Variants in CNTNAP2 observed in about 807,000 individuals in gnomAD.
CNTNAP2 encodes the protein contactin associated protein 2, also known as contactin-associated protein-like 2.
Under a neutral mutation model 155.2 loss-of-function variants are expected in CNTNAP2, and 98 were observed. The observed-to-expected ratio is 0.63, with a 90% CI of 0.54 to 0.75. CNTNAP2 has a LOEUF of 0.75. CNTNAP2 is among the 30% of genes least tolerant of loss of function. The probability of loss-of-function intolerance (pLI) is 0.00; values close to 1 mark genes in which losing one functional copy is unlikely to be tolerated. For synonymous variants in CNTNAP2, 651 were observed against 631.2 expected (o/e 1.03, Z -0.47); for missense variants, 1,727 against 1,688.1 (o/e 1.02, Z -0.40).
chr7:148,325,613 C>A (rs1797871671), intron 21 of CNTNAP2, among the ~76,000 whole-genome samples: 2 of 152,182 alleles, frequency 1.3e-5, no homozygotes, highest in South Asian at 2.1e-4. Context: ...CGTCTCCAGC[C>A]CAGCCATGAC....
chr7:146,360,360 A>G (rs917983972), intron 1 of CNTNAP2, among the ~76,000 whole-genome samples: 2 of 152,236 alleles, frequency 1.3e-5, no homozygotes, highest in East Asian at 3.8e-4. Context: ...TAACTAATTC[A>G]TATTTAATGA....
chr7:147,401,917 C>T (rs1254982984), intron 10 of CNTNAP2, among the ~76,000 whole-genome samples: 4 of 151,472 alleles, frequency 2.6e-5, no homozygotes, highest in South Asian at 4.2e-4. Context: ...TCAAGCAGTT[C>T]GTTATAGCAA....
Position 147,272,728 on chromosome 7 carries a change from C to T in CNTNAP2, c.1349-27413C>T, listed in dbSNP as rs551331679. ...TTCACCGTGTTAGCCAGGATGCTCT[C>T]GATCTCCTGACATCATGATCCACCC... On this transcript the variant is annotated intron_variant, in intron 8 of 23. Transcript: ENST00000361727. Among the ~76,000 whole-genome samples, 41 of 150,018 alleles carry T rather than the reference C, an allele frequency of 2.7e-4. No homozygotes were observed. The South Asian group carries it at 8.0e-3, about 29-fold the overall frequency.
intron 1 of CNTNAP2, among the ~76,000 whole-genome samples, chr7:146,387,689 T>C (rs1795480109): frequency 6.6e-6 from 1 of 152,178 alleles, no homozygotes; most frequent in South Asian, 2.1e-4. Context: ...CACCTTCTTT[T>C]CCACCTTGTT....
chr7:146,911,367 C>T (rs953278298), intron 3 of CNTNAP2, among the ~76,000 whole-genome samples: 28 of 152,012 alleles, frequency 1.8e-4, no homozygotes, highest in Non-Finnish European at 3.7e-4. Context: ...GTATGTTTAT[C>T]GCGGCATTAT....
intron 3 of CNTNAP2, among the ~76,000 whole-genome samples, chr7:146,906,396 G>A (rs1796127850): frequency 2.0e-5 from 3 of 152,098 alleles, no homozygotes; most frequent in Admixed American, 2.0e-4. Flanking sequence ...AGACTTAAAT[G>A]TCCCTGTCTG....
chr7:146,834,005 C>G (rs1803567077), intron 2 of CNTNAP2, among the ~76,000 whole-genome samples: 1 of 152,058 alleles, frequency 6.6e-6, no homozygotes, highest in Admixed American at 6.5e-5. Flanking sequence ...TGCCTGGAGT[C>G]TCCTTTTCAA....
intron 12 of CNTNAP2, among the ~76,000 whole-genome samples, chr7:147,637,553 T>G (rs1795201548): frequency 6.6e-6 from 1 of 152,182 alleles, no homozygotes; most frequent in African/African-American, 2.4e-5. Context: ...TCACCACTTC[T>G]TTCCTCTCTA....
intron 9 of CNTNAP2, among the ~76,000 whole-genome samples, chr7:147,315,788 A>G: frequency 6.6e-6 from 1 of 152,054 alleles, no homozygotes; most frequent in East Asian, 1.9e-4. Context: ...CTTATTCTGG[A>G]CATTTTATAT....
intron 8 of CNTNAP2, among the ~76,000 whole-genome samples, chr7:147,226,986 A>T (rs1803561435): frequency 1.3e-5 from 2 of 152,236 alleles, no homozygotes; most frequent in African/African-American, 4.8e-5. Context: ...ATTGAACCAA[A>T]TAAATTATAG....
chr7:146,631,417 G>T (rs1186454369), intron 1 of CNTNAP2, among the ~76,000 whole-genome samples: 7 of 152,012 alleles, frequency 4.6e-5, no homozygotes, highest in Non-Finnish European at 1.0e-4. Context: ...TGTTATTATG[G>T]GCATGCCTCC....
At chr7:147,394,608 A>G (rs1364599684) in intron 9 of CNTNAP2, among the ~76,000 whole-genome samples, 1 of 151,982 alleles carries the variant, frequency 6.6e-6, no homozygotes, top group East Asian at 1.9e-4. Flanking sequence ...ACTTAATGGG[A>G]TTGAAAAATA....
intron 3 of CNTNAP2, among the ~76,000 whole-genome samples, chr7:146,894,108 C>T (rs549789632): frequency 3.0e-4 from 45 of 152,278 alleles, no homozygotes; most frequent in African/African-American, 1.1e-3. Flanking sequence ...AACACACCTG[C>T]CATTTCCTGG....
intron 1 of CNTNAP2, among the ~76,000 whole-genome samples, chr7:146,518,061 T>A (rs1001126689): frequency 2.6e-5 from 4 of 151,892 alleles, no homozygotes; most frequent in Admixed American, 6.6e-5. Flanking sequence ...TACTAAAGAA[T>A]AATAAATAGT....
chr7:148,405,647 C>T (rs560265241), intron 22 of CNTNAP2, among the ~76,000 whole-genome samples: 19 of 109,258 alleles, frequency 1.7e-4, no homozygotes, highest in East Asian at 5.6e-4. Context: ...GAGACAGTCT[C>T]GCTCTGTCAC....
chr7:146,689,188 C>T (rs1453893402), intron 1 of CNTNAP2, among the ~76,000 whole-genome samples: 1 of 151,978 alleles, frequency 6.6e-6, no homozygotes. Context: ...ACTCGGGTAA[C>T]CTTGAGTAAA....
At chr7:147,619,477 G>A (rs183369897) in intron 12 of CNTNAP2, among the ~76,000 whole-genome samples, 268 of 152,330 alleles carry the variant, frequency 1.8e-3, no homozygotes, top group Admixed American at 3.1e-3. Context: ...CCCGGACCAG[G>A]CAGTATTCAT....
At chr7:148,272,330 A>G (rs2116847997) in intron 21 of CNTNAP2, among the ~76,000 whole-genome samples, 1 of 152,312 alleles carries the variant, frequency 6.6e-6, no homozygotes. Context: ...CAGCCGAGTG[A>G]TGTCATAGAC....
At chr7:146,374,549 C>G (rs1487579820) in intron 1 of CNTNAP2, among the ~76,000 whole-genome samples, 1 of 152,086 alleles carries the variant, frequency 6.6e-6, no homozygotes. Flanking sequence ...TAGTAGGAGG[C>G]CTTTGATGTA....
Sources: gnomAD v4.1 joint callset for allele counts (sites outside exome capture counted in the v4.1 genomes callset) on GRCh38, gnomAD v4.1.1 for gene constraint, MANE v1.5 for transcripts, NCBI Gene and HGNC (gene_info 2026-07-23, HGNC 2026-07-21) for gene names.